Variants in AK5 observed in about 807,000 individuals in gnomAD.
AK5 encodes adenylate kinase 5.
Under a neutral mutation model 69.5 loss-of-function variants are expected in AK5, and 27 were observed. The ratio of observed to expected loss-of-function variants is 0.39; its 90% confidence interval spans 0.29 to 0.54. The LOEUF is 0.54. Ranked by LOEUF, AK5 falls within the 20% of genes least tolerant of loss-of-function variation. The probability of loss-of-function intolerance (pLI) is 0.71; values close to 1 mark genes in which losing one functional copy is unlikely to be tolerated. For missense variants in AK5, 531 were observed against 700.4 expected (o/e 0.76, Z 2.73); for synonymous variants, 260 against 244.4 (o/e 1.06, Z -0.60).
At chr1:77,331,662 C>T (rs1661092991) in intron 5 of AK5, among the ~76,000 whole-genome samples, 1 of 151,938 alleles carries the variant, frequency 6.6e-6, no homozygotes, top group Admixed American at 6.6e-5. Context: ...TGAGTGAGAT[C>T]GGCCTAAAAT....
chr1:77,309,062 C>T (rs1659798601), intron 5 of AK5, among the ~76,000 whole-genome samples: 1 of 150,176 alleles, frequency 6.7e-6, no homozygotes, highest in Non-Finnish European at 1.5e-5. Flanking sequence ...GACCAGCATA[C>T]ACTGGGGCCT....
At chr1:77,392,905 G>C (rs1463525272) in intron 6 of AK5, among the ~76,000 whole-genome samples, 1 of 151,856 alleles carries the variant, frequency 6.6e-6, no homozygotes, top group Non-Finnish European at 1.5e-5. Context: ...ATAGTAGTGG[G>C]ATTTCCTTTA....
At chr1:77,428,263 G>A (rs987004247) in intron 8 of AK5, among the ~76,000 whole-genome samples, 1 of 152,142 alleles carries the variant, frequency 6.6e-6, no homozygotes, top group African/African-American at 2.4e-5. Flanking sequence ...ATTGACAAAG[G>A]TCACACCAAG....
At chr1:77,450,193 T>C (rs1248486394) in intron 8 of AK5, among the ~76,000 whole-genome samples, 1 of 152,210 alleles carries the variant, frequency 6.6e-6, no homozygotes, top group Non-Finnish European at 1.5e-5. Context: ...ATCAGCATTT[T>C]TGTTAAAGCC....
intron 8 of AK5, among the ~76,000 whole-genome samples, chr1:77,474,775 A>C (rs1442121136): frequency 6.6e-6 from 1 of 152,172 alleles, no homozygotes; most frequent in Non-Finnish European, 1.5e-5. Context: ...CCCTGAAAAC[A>C]CACAAACACA....
At chr1:77,384,228 C>T (rs148345154) in intron 6 of AK5, among the ~76,000 whole-genome samples, 17 of 152,204 alleles carry the variant, frequency 1.1e-4, no homozygotes, top group African/African-American at 3.9e-4. Flanking sequence ...AACTCTACAG[C>T]GACAGAGCTG....
intron 5 of AK5, among the ~76,000 whole-genome samples, chr1:77,336,477 T>C (rs1363540190): frequency 6.6e-6 from 1 of 152,180 alleles, no homozygotes; most frequent in African/African-American, 2.4e-5. Flanking sequence ...CATCCCCTCA[T>C]TTTTAAACTT....
intron 6 of AK5, among the ~76,000 whole-genome samples, chr1:77,374,917 T>C (rs1647196024): frequency 6.6e-6 from 1 of 152,190 alleles, no homozygotes; most frequent in South Asian, 2.1e-4. Flanking sequence ...TATTAGTAAA[T>C]GCATTCTTAC....
At chr1:77,297,213 AT>A (rs1008058505) in intron 3 of AK5, among the ~76,000 whole-genome samples, 1 of 152,124 alleles carries the variant, frequency 6.6e-6, no homozygotes, top group African/African-American at 2.4e-5. Context: ...TATTCCACAG[AT>A]TTTTCTTTGA....
rs114403298 is a variant in AK5, at chr1:77,305,360, T to G, written c.699+7413T>G. Reference sequence around the variant, plus strand: ...TTTGATGTGATCCCATTTGTCCATCTTTTCTTTGGTTGCCTGTGCTTATGG... The same window carrying G: ...TTTGATGTGATCCCATTTGTCCATCGTTTCTTTGGTTGCCTGTGCTTATGG... On this transcript the variant is annotated intron_variant, in intron 5 of 13. Coordinates refer to ENST00000354567, the MANE Select transcript of AK5 (RefSeq NM_174858.3). Among the ~76,000 whole-genome samples the G allele has an allele frequency of 5.5e-3, 832 of 152,292 alleles. 7 individuals carry two copies. The highest frequency in any genetic ancestry group is 0.019 in the African/African-American group (770 of 41,558).
intron 11 of AK5, among the ~76,000 whole-genome samples, chr1:77,520,197 C>A (rs1295358232): frequency 9.3e-6 from 1 of 108,002 alleles, no homozygotes; most frequent in East Asian, 3.3e-4. Flanking sequence ...CGTGAAACTC[C>A]ATCTCAAAAA....
intron 6 of AK5, among the ~76,000 whole-genome samples, chr1:77,367,755 TTA>T (rs1385248096): frequency 1.5e-4 from 4 of 26,776 alleles, no homozygotes; most frequent in African/African-American, 3.1e-4. Flanking sequence ...GTTATATATG[TTA>T]TATATAATAT....
At chr1:77,440,181 TCTCA>T (rs561024554) in intron 8 of AK5, among the ~76,000 whole-genome samples, 7 of 151,008 alleles carry the variant, frequency 4.6e-5, no homozygotes, top group Non-Finnish European at 1.0e-4. Flanking sequence ...TTTCAAATTT[TCTCA>T]GTTTTTGGTT....
At chr1:77,347,006 A>G (rs994655434) in intron 6 of AK5, among the ~76,000 whole-genome samples, 1 of 152,182 alleles carries the variant, frequency 6.6e-6, no homozygotes, top group Admixed American at 6.5e-5. Context: ...TTTGAGTACC[A>G]TCACTTATAT....
At chr1:77,376,451 C>CAAAAAAAAAAAAAAAA (rs762576175) in intron 6 of AK5, among the ~76,000 whole-genome samples, 10 of 41,054 alleles carry the variant, frequency 2.4e-4, no homozygotes, top group African/African-American at 8.1e-4. Context: ...AAAAAAAAAA[C>CAAAAAAAAAAAAAAAA]AAAAAAAAAA....
At chr1:77,429,860 A>G (rs973787882) in intron 8 of AK5, among the ~76,000 whole-genome samples, 14 of 152,274 alleles carry the variant, frequency 9.2e-5, no homozygotes, top group African/African-American at 3.1e-4. Flanking sequence ...GATGTTCAAA[A>G]AGAGGAAATA....
At chr1:77,501,577 C>T (rs932114977) in intron 10 of AK5, among the ~76,000 whole-genome samples, 2 of 152,138 alleles carry the variant, frequency 1.3e-5, no homozygotes, top group Non-Finnish European at 2.9e-5. Flanking sequence ...TTGTGTATTT[C>T]AGCATAGAAA....
intron 6 of AK5, among the ~76,000 whole-genome samples, chr1:77,363,523 A>G (rs1313410227): frequency 2.6e-5 from 4 of 152,294 alleles, no homozygotes; most frequent in African/African-American, 9.6e-5. Flanking sequence ...ATTCACTCTC[A>G]CTCAGAATTA....
intron 6 of AK5, 21 bp from the exon 7 acceptor site, chr1:77,410,960 G>T (rs1570523866): frequency 6.2e-7 from 1 of 1,606,038 alleles, no homozygotes; most frequent in Non-Finnish European, 8.5e-7. Context: ...TTCCAAACTT[G>T]TCTGTCCTGA....
Sources: allele counts gnomAD v4.1 joint callset (sites outside exome capture counted in the v4.1 genomes callset), GRCh38; gene constraint gnomAD v4.1.1; transcripts MANE v1.5; gene names NCBI Gene and HGNC (gene_info 2026-07-23, HGNC 2026-07-21).